The following PPM1L variants were observed in gnomAD, a reference collection of about 807,000 sequenced individuals.
PPM1L encodes the protein protein phosphatase, Mg2+/Mn2+ dependent 1L.
Under a neutral mutation model 31.4 loss-of-function variants are expected in PPM1L, and 13 were observed. The ratio of observed to expected loss-of-function variants is 0.41; its 90% CI spans 0.27 to 0.66. The LOEUF (loss-of-function observed/expected upper bound fraction) is 0.66, where lower values mean the gene tolerates loss of function less well. PPM1L is among the 30% of genes least tolerant of loss of function. PPM1L has a pLI of 0.29. For synonymous variants in PPM1L, 184 were observed against 175.4 expected, an observed-to-expected ratio of 1.05 and a Z score of -0.39; for missense variants, 326 against 453.7, an observed-to-expected ratio of 0.72 and a Z score of 2.56.
At chr3:160,951,564 A>G (rs1439004389) in intron 1 of PPM1L, among the ~76,000 whole-genome samples, 1 of 152,240 alleles carries the variant, frequency 6.6e-6, no homozygotes. Context: ...ATGTACAAAA[A>G]CATCCATCTG....
rs909422735 is a variant in PPM1L, at chr3:161,074,803, C to G, written c.*5646C>G. 4.6e-5 allele frequency: 7 copies of G among 152,084 alleles called. No individual in the cohort carries two copies. Among genetic ancestry groups the G allele is most frequent in the African/African-American group, 1.7e-4 (7 of 41,396 alleles). 9.4% of individuals were successfully genotyped at this position (152,084 alleles called of 1,614,324 possible). A position where few individuals can be genotyped will look rare whatever the true frequency, so the allele number is the denominator to read the frequency against. On this transcript the variant is annotated 3_prime_UTR_variant, in exon 4 of 4. Coordinates refer to ENST00000498165, the MANE Select transcript of PPM1L (RefSeq NM_139245.4). ...TAAGGACTTTGAGGAGAGCATGTAG[C>G]AAGTATTCATTTTAACAAATCATCA...
rs185601965 is a variant in PPM1L, at chr3:160,910,118, A to C, written c.400-51618A>C. On this transcript the variant is annotated intron_variant, in intron 1 of 3. Coordinates refer to ENST00000498165, the MANE Select transcript of PPM1L (RefSeq NM_139245.4). ...TGTCAGAAGAACAATAATGCTTACTATGATGACTTCTCAATCTTGAAATAT... is the reference window on the plus strand; with the variant it reads ...TGTCAGAAGAACAATAATGCTTACTCTGATGACTTCTCAATCTTGAAATAT... Among the ~76,000 whole-genome samples, 3 of 152,296 alleles carry C rather than the reference A, an allele frequency of 2.0e-5. No homozygotes were observed. In the East Asian group the frequency reaches 5.8e-4, roughly 29 times the overall value.
chr3:160,896,284 A>G (rs1713332819), intron 1 of PPM1L, among the ~76,000 whole-genome samples: 2 of 152,188 alleles, frequency 1.3e-5, no homozygotes, highest in Non-Finnish European at 1.5e-5. Flanking sequence ...TGGAATTTGA[A>G]TGGTTGAAAA....
In PPM1L at chr3:160,995,306, A is replaced by G. The variant is rs186166077; in HGVS notation, c.574+33396A>G. Among the ~76,000 whole-genome samples the G allele has an allele frequency of 2.3e-3, 354 of 152,158 alleles. 1 individual carries two copies. The highest frequency in any genetic ancestry group is 4.4e-3 in the Non-Finnish European group (301 of 67,978). ...CACCAGTAGCCAGAGGGTTTGTGAT[A>G]CGTAGGTAGAGATTTTTTTTTCTTT... On this transcript the variant is annotated intron_variant, in intron 2 of 3. Coordinates refer to ENST00000498165, the MANE Select transcript of PPM1L (RefSeq NM_139245.4).
intron 1 of PPM1L, among the ~76,000 whole-genome samples, chr3:160,949,486 C>A (rs1004087731): frequency 1.3e-5 from 2 of 152,134 alleles, no homozygotes; most frequent in African/African-American, 2.4e-5. Context: ...AATAGTCTGA[C>A]ATTTATATGA....
At chr3:160,879,922 C>T (rs907982260) in intron 1 of PPM1L, among the ~76,000 whole-genome samples, 6 of 152,072 alleles carry the variant, frequency 3.9e-5, no homozygotes, top group African/African-American at 9.7e-5. Flanking sequence ...GTATGATTGC[C>T]GTGTGTTGAG....
intron 1 of PPM1L, among the ~76,000 whole-genome samples, chr3:160,875,361 T>A (rs1712469367): frequency 6.6e-6 from 1 of 152,220 alleles, no homozygotes; most frequent in Non-Finnish European, 1.5e-5. Context: ...CATATCAAGA[T>A]GTTTAAAATA....
At position 161,071,068 on chromosome 3, in the gene PPM1L, T is replaced by C. The variant is rs1719901915; in HGVS notation, c.*1911T>C. On this transcript the variant is annotated 3_prime_UTR_variant, in exon 4 of 4. Coordinates refer to ENST00000498165, the MANE Select transcript of PPM1L (RefSeq NM_139245.4). ...CATTTGCCTATGGGGAGACACTGAA[T>C]ATGTGGATGTGTGTATTAATATTTG... The C allele has an allele frequency of 6.6e-6, 1 of 152,218 alleles. No homozygotes were observed. Among genetic ancestry groups the C allele is most frequent in the Non-Finnish European group, 1.5e-5 (1 of 68,064 alleles). 9.4% of individuals were successfully genotyped at this position (152,218 alleles called of 1,614,324 possible). A position where few individuals can be genotyped will look rare whatever the true frequency, so the allele number is the denominator to read the frequency against.
In PPM1L at chr3:161,072,532, C is replaced by G. The variant is rs1719959790; in HGVS notation, c.*3375C>G. 1 of 152,220 alleles carries G rather than the reference C, an allele frequency of 6.6e-6. No homozygotes were observed. Among genetic ancestry groups the G allele is most frequent in the Non-Finnish European group, 1.5e-5 (1 of 68,044 alleles). The allele number at this position is 152,220 out of a possible 1,614,324, so 9.4% of individuals were successfully genotyped here. On this transcript the variant is annotated 3_prime_UTR_variant, in exon 4 of 4. Transcript: ENST00000498165. ...GATTGCATGAGAGTGATGGCATCAT[C>G]ATTTCAATTGAATCTGAAGTGATTC... is the stretch of plus-strand genomic sequence containing the variant.
intron 1 of PPM1L, among the ~76,000 whole-genome samples, chr3:160,890,193 AG>A (rs761847303): frequency 1.3e-5 from 2 of 152,254 alleles, no homozygotes; most frequent in Non-Finnish European, 2.9e-5. Context: ...ATAGGAAGAC[AG>A]GAGGTCAAAT....
At chr3:160,862,704 A>ACACACACAC (rs1560130385) in intron 1 of PPM1L, among the ~76,000 whole-genome samples, 10 of 117,718 alleles carry the variant, frequency 8.5e-5, no homozygotes, top group Non-Finnish European at 1.3e-4. Flanking sequence ...ACACACACAC[A>ACACACACAC]AAATTCTGAA....
intron 1 of PPM1L, among the ~76,000 whole-genome samples, chr3:160,862,696 AC>A (rs1711943492): frequency 7.2e-6 from 1 of 138,056 alleles, no homozygotes; most frequent in South Asian, 2.3e-4. Context: ...ACACACACAC[AC>A]ACACACAAAA....
At chr3:160,812,855 G>A (rs1234651842) in intron 1 of PPM1L, among the ~76,000 whole-genome samples, 1 of 152,208 alleles carries the variant, frequency 6.6e-6, no homozygotes, top group African/African-American at 2.4e-5. Flanking sequence ...GCTGCATTTA[G>A]CAGGAAAGTG....
intron 2 of PPM1L, among the ~76,000 whole-genome samples, chr3:160,966,888 G>A (rs952918154): frequency 6.6e-6 from 1 of 151,884 alleles, no homozygotes; most frequent in African/African-American, 2.4e-5. Flanking sequence ...CAGAGAAAAG[G>A]TTCAATAATG....
intron 2 of PPM1L, among the ~76,000 whole-genome samples, chr3:160,979,325 C>T (rs1441040965): frequency 1.3e-5 from 2 of 151,978 alleles, no homozygotes; most frequent in East Asian, 3.9e-4. Flanking sequence ...GGAAACCCAC[C>T]TTGGACAGGA....
chr3:160,839,976 A>G (rs752399594), intron 1 of PPM1L, among the ~76,000 whole-genome samples: 2 of 152,192 alleles, frequency 1.3e-5, no homozygotes, highest in Admixed American at 1.3e-4. Context: ...TATAAAAGTC[A>G]TGGAGTAGGG....
At chr3:161,058,234 C>G (rs1410864549) in intron 2 of PPM1L, among the ~76,000 whole-genome samples, 2 of 143,658 alleles carry the variant, frequency 1.4e-5, no homozygotes, top group African/African-American at 5.2e-5. Context: ...AAGCAATTCT[C>G]CTGCCTCAGC....
intron 1 of PPM1L, among the ~76,000 whole-genome samples, chr3:160,774,161 G>C (rs1485044424): frequency 6.6e-6 from 1 of 152,076 alleles, no homozygotes; most frequent in Non-Finnish European, 1.5e-5. Flanking sequence ...TTCCTCTCCA[G>C]AGTTGTCTTT....
chr3:160,899,633 A>G (rs1157594033), intron 1 of PPM1L, among the ~76,000 whole-genome samples: 1 of 152,062 alleles, frequency 6.6e-6, no homozygotes, highest in Non-Finnish European at 1.5e-5. Flanking sequence ...TAATTTTCTC[A>G]TTGGCTCATG....
Sources: gnomAD v4.1 joint callset for allele counts (sites outside exome capture counted in the v4.1 genomes callset) on GRCh38, gnomAD v4.1.1 for gene constraint, MANE v1.5 for transcripts, NCBI Gene and HGNC (gene_info 2026-07-23, HGNC 2026-07-21) for gene names.